The following LAMA2 variants were observed in gnomAD, a reference collection of about 807,000 sequenced individuals.
LAMA2 encodes laminin subunit alpha 2, also known as laminin subunit alpha-2.
Under a neutral mutation model 364.8 loss-of-function variants are expected in LAMA2, and 269 were observed. The observed-to-expected ratio is 0.74, with a 90% CI of 0.67 to 0.82. The LOEUF (loss-of-function observed/expected upper bound fraction) is 0.82, where lower values mean the gene tolerates loss of function less well. Ranked by LOEUF, LAMA2 falls within the 40% of genes least tolerant of loss-of-function variation. The pLI is 0.00. For missense variants in LAMA2, 3,807 were observed against 3,873.2 expected, an observed-to-expected ratio of 0.98 and a Z score of 0.45; for synonymous variants, 1,379 against 1,370.6, an observed-to-expected ratio of 1.01 and a Z score of -0.14.
intron 3 of LAMA2, among the ~76,000 whole-genome samples, chr6:129,062,623 G>A (rs1296510484): frequency 6.6e-6 from 1 of 151,990 alleles, no homozygotes; most frequent in African/African-American, 2.4e-5. Flanking sequence ...TCTACCTACC[G>A]CATGAAGGAT....
chr6:129,307,032 T>C (rs1489671919), intron 22 of LAMA2, among the ~76,000 whole-genome samples: 2 of 152,202 alleles, frequency 1.3e-5, no homozygotes, highest in Non-Finnish European at 2.9e-5. Context: ...CATTATATAC[T>C]TTTCATTGTT....
chr6:129,217,921 C>T (rs910380528), intron 12 of LAMA2, among the ~76,000 whole-genome samples: 7 of 152,006 alleles, frequency 4.6e-5, no homozygotes, highest in African/African-American at 1.7e-4. Context: ...TCTCAAAGTC[C>T]TTTGAGAAAA....
chr6:129,044,453 A>C lies in LAMA2; in HGVS notation c.113-5465A>C. On this transcript the variant is annotated intron_variant, in intron 1 of 64. Transcript: ENST00000421865. ...AACACATCCAAATAAAAACAGTGGA[A>C]GTTAGGTGATTTTTTTCAAATGTTT... 1.3e-5 allele frequency among the ~76,000 whole-genome samples: 2 copies of C among 151,970 alleles called. 1 individual carries two copies. Among genetic ancestry groups the C allele is most frequent in the Admixed American group, 1.3e-4 (2 of 15,252 alleles).
chr6:129,168,994 C>T (rs28814660), intron 9 of LAMA2, among the ~76,000 whole-genome samples: 3 of 152,270 alleles, frequency 2.0e-5, no homozygotes, highest in African/African-American at 7.2e-5. Context: ...ATGCTTGTGA[C>T]TTTTGTACAT....
At chr6:128,909,186 A>G (rs1777711815) in intron 1 of LAMA2, among the ~76,000 whole-genome samples, 1 of 151,842 alleles carries the variant, frequency 6.6e-6, no homozygotes, top group African/African-American at 2.4e-5. Context: ...ATTCCTGGGT[A>G]TCCTTGTTGA....
chr6:129,492,279 GA>G (rs750487602), intron 57 of LAMA2, 35 bp from the exon 58 acceptor site: 1 of 1,605,388 alleles, frequency 6.2e-7, no homozygotes, highest in Non-Finnish European at 8.5e-7. Flanking sequence ...GCAAAAAAAC[GA>G]AAATAAAAAA....
At chr6:129,338,861 T>G (rs1393751887) in intron 29 of LAMA2, among the ~76,000 whole-genome samples, 5 of 151,472 alleles carry the variant, frequency 3.3e-5, no homozygotes, top group Admixed American at 1.3e-4. Flanking sequence ...ATAAAGAGTA[T>G]CCGCATAATT....
chr6:129,365,554 G>A (rs1391990372), intron 32 of LAMA2, among the ~76,000 whole-genome samples: 1 of 151,868 alleles, frequency 6.6e-6, no homozygotes, highest in Admixed American at 6.6e-5. Context: ...GTAGAGACAG[G>A]GTTTCACCAT....
At chr6:129,009,107 C>T (rs1445383596) in intron 1 of LAMA2, among the ~76,000 whole-genome samples, 1 of 152,076 alleles carries the variant, frequency 6.6e-6, no homozygotes, top group Non-Finnish European at 1.5e-5. Flanking sequence ...ATTGGGGTCT[C>T]ATCTGGTGGT....
intron 37 of LAMA2, among the ~76,000 whole-genome samples, chr6:129,394,758 A>G (rs1204149145): frequency 6.6e-6 from 1 of 152,220 alleles, no homozygotes; most frequent in African/African-American, 2.4e-5. Flanking sequence ...ATATTTCAAG[A>G]AGAGTTATAT....
At chr6:129,494,403 G>C (rs899004497) in intron 58 of LAMA2, among the ~76,000 whole-genome samples, 5 of 152,118 alleles carry the variant, frequency 3.3e-5, no homozygotes, top group African/African-American at 1.2e-4. Flanking sequence ...CATCTATCTT[G>C]CCTACAACAT....
intron 52 of LAMA2, among the ~76,000 whole-genome samples, chr6:129,474,453 C>G (rs915949158): frequency 6.6e-6 from 1 of 152,056 alleles, no homozygotes. Context: ...AGTGTCAAGT[C>G]AGAAAAACAT....
At chr6:128,979,761 A>G (rs1051353962) in intron 1 of LAMA2, among the ~76,000 whole-genome samples, 4 of 152,222 alleles carry the variant, frequency 2.6e-5, no homozygotes, top group African/African-American at 9.6e-5. Context: ...CTGTCATAAC[A>G]TTGTTCAGAT....
chr6:129,512,590 G>A (rs1037829925), intron 63 of LAMA2, 97 bp downstream of exon 63: 29 of 1,347,686 alleles, frequency 2.2e-5, no homozygotes, highest in African/African-American at 2.9e-5. Context: ...TTTGAAGCCC[G>A]GCTGTATTCT....
Position 129,330,615 on chromosome 6 carries a change from T to TC in LAMA2, c.4311+2206dup, listed in dbSNP as rs1554273799. The stretch of plus-strand genomic sequence containing the variant: ...TGGTTTTTGTTTTTTTTTTTTTTTT[T>TC]CCCACTGTGTCGTTTCTCTCTAGTT... On this transcript the variant is annotated intron_variant, in intron 29 of 64. Coordinates refer to ENST00000421865, the MANE Select transcript of LAMA2 (RefSeq NM_000426.4). Among the ~76,000 whole-genome samples the TC allele has an allele frequency of 3.1e-4, 47 of 149,264 alleles. 1 individual carries two copies. In the East Asian group the frequency reaches 4.7e-3, roughly 15 times the overall value.
At chr6:129,409,131 G>A (rs7761156) in intron 40 of LAMA2, among the ~76,000 whole-genome samples, 75,913 of 151,670 alleles carry the variant, frequency 0.5, 19,437 homozygotes, top group African/African-American at 0.62. Flanking sequence ...ACAACCAGGT[G>A]CCCTGCTCAA....
At chr6:129,195,203 G>A (rs746871144) in intron 12 of LAMA2, among the ~76,000 whole-genome samples, 1 of 152,078 alleles carries the variant, frequency 6.6e-6, no homozygotes, top group African/African-American at 2.4e-5. Context: ...TGGTTATAAG[G>A]CTTCTTCTAA....
At chr6:129,217,242 C>T (rs1051137507) in intron 12 of LAMA2, among the ~76,000 whole-genome samples, 1 of 151,596 alleles carries the variant, frequency 6.6e-6, no homozygotes, top group African/African-American at 2.4e-5. Flanking sequence ...GTTTTGAATA[C>T]AAAATATCTA....
chr6:129,230,899 C>T (rs1027779847), intron 12 of LAMA2, among the ~76,000 whole-genome samples: 4 of 152,032 alleles, frequency 2.6e-5, no homozygotes, highest in African/African-American at 9.7e-5. Flanking sequence ...TCCCTAAATG[C>T]TATTAGTACT....
Sources: allele counts gnomAD v4.1 joint callset (sites outside exome capture counted in the v4.1 genomes callset), GRCh38; gene constraint gnomAD v4.1.1; transcripts MANE v1.5; gene names NCBI Gene and HGNC (gene_info 2026-07-23, HGNC 2026-07-21).